Variants in PPIP5K1 observed in about 807,000 individuals in gnomAD.
PPIP5K1 encodes inositol hexakisphosphate and diphosphoinositol-pentakisphosphate kinase 1.
A neutral mutation model predicts 27.7 loss-of-function variants in PPIP5K1; 6 were observed. The ratio of observed to expected loss-of-function variants is 0.22; its 90% CI spans 0.12 to 0.43. The LOEUF (loss-of-function observed/expected upper bound fraction) is 0.43, where lower values mean the gene tolerates loss of function less well. Among genes scored for constraint, PPIP5K1 ranks in the 20% least tolerant of loss-of-function variants. The pLI is 1.00. For synonymous variants in PPIP5K1, 145 were observed against 242.6 expected (o/e 0.60, Z 3.74); for missense variants, 394 against 635.4 (o/e 0.62, Z 4.08).
intron 30 of PPIP5K1, among the ~76,000 whole-genome samples, chr15:43,557,060 C>T (rs1162935651): frequency 1.3e-5 from 2 of 152,136 alleles, no homozygotes; most frequent in Non-Finnish European, 2.9e-5. Flanking sequence ...TTTAGATTTC[C>T]GATCCATATG....
intron 31 of PPIP5K1, 67 bp downstream of exon 31, chr15:43,539,403 C>A: frequency 1.7e-6 from 2 of 1,163,090 alleles, no homozygotes; most frequent in Non-Finnish European, 2.5e-6. Flanking sequence ...ATGCAACAGG[C>A]CCCTCATTCA....
At position 43,539,577 on chromosome 15, in the gene PPIP5K1, A is replaced by G; in HGVS notation, c.3563T>C (p.Phe1188Ser). The G allele has an allele frequency of 6.3e-7, 1 of 1,586,804 alleles. No homozygotes were observed. The highest frequency in any genetic ancestry group is 1.1e-5 in the South Asian group (1 of 88,766). The part of the protein sequence containing the change: ...DAQAQASAAL[F>S]DSMHSSQASD... ...GGCCTGGCTGCTGTGCATGGAATCA[A>G]AGAGGGCTGGAAAGGAGGTAGGGTG... Residue 1188 changes from phenylalanine to serine, a missense_variant, in exon 31 of 32, where the codon TTT becomes TCT. By Grantham distance (155) the Phe-to-Ser change is radical (BLOSUM62 -2). Coordinates refer to ENST00000420765, the MANE Select transcript of PPIP5K1 (RefSeq NM_001394395.1).
intron 30 of PPIP5K1, among the ~76,000 whole-genome samples, chr15:43,545,210 C>T (rs544619252): frequency 9.9e-5 from 15 of 151,454 alleles, no homozygotes; most frequent in Non-Finnish European, 1.9e-4. Flanking sequence ...ATTATTGGAT[C>T]AGAGGTTAAC....
rs1317993389 is a variant in PPIP5K1 at position 43,534,652 on chromosome 15, C to T, written c.*22G>A. 5.3e-6 allele frequency: 8 copies of T among 1,515,956 alleles called. No individual in the cohort carries two copies. In the East Asian group the frequency reaches 1.1e-4, roughly 21 times the overall value. The allele number at this position is 1,515,956 out of a possible 1,614,324, so 93.9% of individuals were successfully genotyped here. On this transcript the variant is annotated 3_prime_UTR_variant, in exon 32 of 32. Transcript: ENST00000420765. ...CCCTCTCCAGGCAGCTGATCAATCA[C>T]TTCAGGGACCACCCAGGACTTCTAA...
At chr15:43,540,003 A>G (rs189833894) in intron 30 of PPIP5K1, among the ~76,000 whole-genome samples, 32 of 152,212 alleles carry the variant, frequency 2.1e-4, no homozygotes, top group Admixed American at 1.4e-3. Context: ...CTGTAATCCT[A>G]ACACTTTAGG....
intron 30 of PPIP5K1, among the ~76,000 whole-genome samples, chr15:43,557,223 G>T (rs1333369285): frequency 6.6e-6 from 1 of 152,152 alleles, no homozygotes; most frequent in Non-Finnish European, 1.5e-5. Context: ...AGGGGGGGTG[G>T]ATCACCTGAG....
At chr15:43,540,183 C>T (rs2080479692) in intron 30 of PPIP5K1, among the ~76,000 whole-genome samples, 1 of 151,950 alleles carries the variant, frequency 6.6e-6, no homozygotes, top group Non-Finnish European at 1.5e-5. Context: ...ACTTGGGAGG[C>T]AGAGGTTGCA....
chr15:43,556,190 C>T (rs2082918014), intron 30 of PPIP5K1, among the ~76,000 whole-genome samples: 3 of 151,864 alleles, frequency 2.0e-5, no homozygotes, highest in Admixed American at 2.0e-4. Flanking sequence ...CGTGGTGGTG[C>T]GCACCTGTAG....
At chr15:43,579,629 G>A (rs1249052885) in intron 10 of PPIP5K1, among the ~76,000 whole-genome samples, 75 of 56,304 alleles carry the variant, frequency 1.3e-3, no homozygotes, top group Middle Eastern at 0.01. Flanking sequence ...GTGTGTGTGT[G>A]TGTATATATA....
At chr15:43,541,614 G>A (rs910939524) in intron 30 of PPIP5K1, among the ~76,000 whole-genome samples, 17 of 151,962 alleles carry the variant, frequency 1.1e-4, no homozygotes, top group African/African-American at 4.1e-4. Context: ...CTACTTGGGA[G>A]GCTGAAGCAG....
intron 31 of PPIP5K1, chr15:43,537,415 G>A (rs1389145742): frequency 2.6e-5 from 8 of 305,272 alleles, no homozygotes; most frequent in Non-Finnish European, 3.2e-5. Context: ...GAAGCCAGAC[G>A]CGGTGGCTCA....
Position 43,579,383 on chromosome 15 carries a change from T to TACACACACACAC in PPIP5K1, c.1062-275_1062-264dup, listed in dbSNP as rs371291746. 6.3e-4 allele frequency among the ~76,000 whole-genome samples: 53 copies of TACACACACACAC among 84,304 alleles called. 2 individuals carry two copies. The highest frequency in any genetic ancestry group is 1.5e-3 in the East Asian group (3 of 2,016). 55.3% of individuals were successfully genotyped at this position (84,304 alleles called of 152,430 possible). ...GGAGTACATAGGGGCTTCGATTATA[T>TACACACACACAC]ACACACACACACACACACACACACA... On this transcript the variant is annotated intron_variant, in intron 10 of 31. Transcript: ENST00000420765.
intron 30 of PPIP5K1, among the ~76,000 whole-genome samples, chr15:43,544,960 C>T (rs558855153): frequency 2.6e-5 from 4 of 152,190 alleles, no homozygotes; most frequent in South Asian, 2.1e-4. Flanking sequence ...GGGCAGATCA[C>T]GAGGTCAGGA....
chr15:43,551,115 T>C (rs558860313), intron 30 of PPIP5K1, among the ~76,000 whole-genome samples: 7 of 152,324 alleles, frequency 4.6e-5, no homozygotes, highest in African/African-American at 1.7e-4. Flanking sequence ...TTCTCTTCAA[T>C]TTTTTTGGAA....
intron 31 of PPIP5K1, among the ~76,000 whole-genome samples, 196 bp from the exon 32 acceptor site, chr15:43,535,672 C>A (rs1413242845): frequency 1.3e-5 from 2 of 152,176 alleles, no homozygotes; most frequent in Non-Finnish European, 2.9e-5. Flanking sequence ...CTAATGTATA[C>A]TTTGAGAGTA....
At chr15:43,552,592 T>G (rs1379815841) in intron 30 of PPIP5K1, among the ~76,000 whole-genome samples, 4 of 148,590 alleles carry the variant, frequency 2.7e-5, no homozygotes. Flanking sequence ...TGGTGGTGTG[T>G]GCCTGTAGTC....
chr15:43,581,238 C>A lies in PPIP5K1; in HGVS notation c.928G>T (p.Val310Leu). Reference protein sequence around the residue: ...MEKLVARKVCVAFKQTVCGFD... With the variant: ...MEKLVARKVCLAFKQTVCGFD... ...GGGCCCTCCTCTACCTTGAAAGCTA[C>A]GCAGACTTTCCTGGCCACCAGCTTT... Residue 310 changes from valine to leucine, a missense_variant, in exon 9 of 32, where the codon GTA (valine) becomes TTA (leucine). By Grantham distance (32) the Val-to-Leu change is conservative (BLOSUM62 1). Transcript: ENST00000420765. The A allele has an allele frequency of 6.2e-7, 1 of 1,609,902 alleles. No homozygotes were observed. Among genetic ancestry groups the A allele is most frequent in the East Asian group, 2.2e-5 (1 of 44,774 alleles).
At chr15:43,537,294 G>C in intron 31 of PPIP5K1, 1 of 188,470 alleles carries the variant, frequency 5.3e-6, no homozygotes, top group Non-Finnish European at 1.0e-5. Flanking sequence ...GCAGTGAGCC[G>C]AGATTGCACC....
At chr15:43,560,303 G>C in intron 29 of PPIP5K1, 110 bp downstream of exon 29, 1 of 1,032,956 alleles carries the variant, frequency 9.7e-7, no homozygotes, top group Non-Finnish European at 1.3e-6. Context: ...CATAAACTTA[G>C]GGCAAATAGG....
Sources: allele counts gnomAD v4.1 joint callset (sites outside exome capture counted in the v4.1 genomes callset), GRCh38; gene constraint gnomAD v4.1.1; transcripts MANE v1.5; gene names NCBI Gene and HGNC (gene_info 2026-07-23, HGNC 2026-07-21).